Variants in RASEF observed in about 807,000 individuals in gnomAD.
The protein encoded by RASEF is ras and EF-hand domain-containing protein.
RASEF carries 68 observed loss-of-function variants against 90.1 expected under a neutral mutation model. The observed-to-expected ratio is 0.75, with a 90% CI of 0.62 to 0.92. The LOEUF (loss-of-function observed/expected upper bound fraction) is 0.92, where lower values mean the gene tolerates loss of function less well. RASEF is among the 40% of genes least tolerant of loss of function. The pLI is 0.00. For synonymous variants in RASEF, 331 were observed against 345.2 expected, an observed-to-expected ratio of 0.96 and a Z score of 0.46; for missense variants, 949 against 937.2, an observed-to-expected ratio of 1.01 and a Z score of -0.16.
At chr9:83,175,742 G>A in the RASEF span, among the ~76,000 whole-genome samples, 29 of 152,078 alleles carry the variant, frequency 1.9e-4, 1 homozygote, top group South Asian at 4.6e-3. Context: ...TGCCATGCCC[G>A]GCTAATTTTT....
chr9:83,209,731 G>A, the RASEF span, among the ~76,000 whole-genome samples: 376 of 152,286 alleles, frequency 2.5e-3, no homozygotes, highest in African/African-American at 8.8e-3. Flanking sequence ...GTATAATGAC[G>A]AAAAGTATAA....
At chr9:83,110,199 G>A in the RASEF span, among the ~76,000 whole-genome samples, 2 of 152,018 alleles carry the variant, frequency 1.3e-5, no homozygotes, top group Non-Finnish European at 2.9e-5. Context: ...CCAGCAAAGC[G>A]ACCATATTTT....
In RASEF at chr9:83,062,480, C is replaced by A. The variant is rs757179571; in HGVS notation, c.388G>T (p.Asp130Tyr). 1 of 1,612,618 alleles carries A rather than the reference C, an allele frequency of 6.2e-7. No individual in the cohort carries two copies. The highest frequency in any genetic ancestry group is 1.7e-5 in the Admixed American group (1 of 59,984). ...GPASPGRAWQ[D>Y]FQARLGDEAK... ...TCGTCCCCAAGTCGCGCCTGGAAATCCTGCCAAGCCCGGCCGGGACTCGCC... is the reference window on the plus strand; with the variant it reads ...TCGTCCCCAAGTCGCGCCTGGAAATACTGCCAAGCCCGGCCGGGACTCGCC... Residue 130 changes from aspartate (D) to tyrosine (Y), a missense_variant, in exon 1 of 17, where the codon GAT (aspartate) becomes TAT (tyrosine). Asp to Tyr is a radical substitution (Grantham distance 160). This residue lies in a region of RASEF where 656 missense variants were observed against 592.2 expected (regional missense o/e 1.11). Coordinates refer to ENST00000376447, the MANE Select transcript of RASEF (RefSeq NM_152573.4).
chr9:83,139,226 C>T, the RASEF span, among the ~76,000 whole-genome samples: 2 of 152,260 alleles, frequency 1.3e-5, no homozygotes, highest in East Asian at 3.9e-4. Flanking sequence ...TTGAGAAGCA[C>T]TGTACATAAA....
the RASEF span, among the ~76,000 whole-genome samples, chr9:83,168,699 G>A: frequency 6.6e-6 from 1 of 151,992 alleles, no homozygotes; most frequent in African/African-American, 2.4e-5. Flanking sequence ...ATGCTATCAG[G>A]TATATGAAAA....
At chr9:82,995,690 C>A in intron 14 of RASEF, among the ~76,000 whole-genome samples, 1 of 152,072 alleles carries the variant, frequency 6.6e-6, no homozygotes, top group Non-Finnish European at 1.5e-5. Context: ...AAACCATCTG[C>A]CTGCCTTGAC....
chr9:83,172,907 T>C, the RASEF span, among the ~76,000 whole-genome samples: 2 of 152,036 alleles, frequency 1.3e-5, no homozygotes, highest in Non-Finnish European at 2.9e-5. Flanking sequence ...TTCTTCCAGA[T>C]TGAAGAGCTC....
At chr9:83,002,179 G>C (rs1244004935) in intron 9 of RASEF, among the ~76,000 whole-genome samples, 3 of 152,100 alleles carry the variant, frequency 2.0e-5, no homozygotes. Flanking sequence ...AGGGAGAATG[G>C]GCACGATACA....
intron 1 of RASEF, among the ~76,000 whole-genome samples, chr9:83,040,584 CAGTACATTCTGGAATATATA>C (rs1829821271): frequency 6.6e-6 from 1 of 152,134 alleles, no homozygotes; most frequent in Non-Finnish European, 1.5e-5. Flanking sequence ...CTTTCGAAAT[CAGTACATTCTGGAATATATA>C]AGTGCATTCT....
the RASEF span, among the ~76,000 whole-genome samples, chr9:83,194,307 C>G: frequency 1.3e-5 from 2 of 152,164 alleles, no homozygotes; most frequent in Non-Finnish European, 2.9e-5. Flanking sequence ...GACCTTGACA[C>G]TTTGAGGAGT....
At chr9:83,001,806 A>G (rs909415915) in intron 9 of RASEF, among the ~76,000 whole-genome samples, 4 of 152,316 alleles carry the variant, frequency 2.6e-5, no homozygotes, top group African/African-American at 7.2e-5. Flanking sequence ...AAAAATAAGC[A>G]ATTAGAAACA....
the RASEF span, among the ~76,000 whole-genome samples, chr9:83,124,325 T>C: frequency 6.6e-6 from 1 of 152,198 alleles, no homozygotes; most frequent in Admixed American, 6.5e-5. Flanking sequence ...GAAGTAGAAA[T>C]GCTGGATCAT....
chr9:82,993,667 C>T lies in RASEF; in HGVS notation c.1921-642G>A, dbSNP rs563188709. 1.2e-3 allele frequency among the ~76,000 whole-genome samples: 180 copies of T among 152,294 alleles called. 1 individual carries two copies. The highest frequency in any genetic ancestry group is 4.3e-3 in the African/African-American group (178 of 41,558). ...GGTCAACATTTTTCTAAGAAAGAGT[C>T]AAGTACCAATCTTTCAAAGTAATGG... On this transcript the variant is annotated intron_variant, in intron 14 of 16. Transcript: ENST00000376447.
the RASEF span, among the ~76,000 whole-genome samples, chr9:83,108,980 C>G: frequency 6.6e-6 from 1 of 152,176 alleles, no homozygotes; most frequent in Non-Finnish European, 1.5e-5. Flanking sequence ...GAGGAACTGG[C>G]AGTCTCTAGC....
chr9:83,031,430 A>G (rs1829644874), intron 1 of RASEF, among the ~76,000 whole-genome samples: 1 of 152,210 alleles, frequency 6.6e-6, no homozygotes, highest in African/African-American at 2.4e-5. Flanking sequence ...AAGCCTTTAC[A>G]TATATTATTC....
intron 9 of RASEF, 131 bp from the exon 10 acceptor site, chr9:83,001,261 G>T: frequency 1.6e-6 from 1 of 627,478 alleles, no homozygotes. Context: ...GTTATTTCAT[G>T]ATTAGGCATT....
intron 3 of RASEF, among the ~76,000 whole-genome samples, chr9:83,019,110 T>C (rs1316816999): frequency 6.6e-6 from 1 of 151,890 alleles, no homozygotes; most frequent in East Asian, 1.9e-4. Flanking sequence ...GTATGGTCCA[T>C]GAAAAAAAGT....
At chr9:83,179,819 C>T in the RASEF span, among the ~76,000 whole-genome samples, 6 of 152,034 alleles carry the variant, frequency 3.9e-5, no homozygotes, top group Non-Finnish European at 8.8e-5. Flanking sequence ...CACACACACA[C>T]GTACAGTGAC....
At chr9:83,055,858 T>C (rs917765372) in intron 1 of RASEF, among the ~76,000 whole-genome samples, 1 of 152,210 alleles carries the variant, frequency 6.6e-6, no homozygotes, top group East Asian at 1.9e-4. Flanking sequence ...AAACATTCGA[T>C]GTGAAACATC....
Sources: allele counts gnomAD v4.1 joint callset (sites outside exome capture counted in the v4.1 genomes callset), GRCh38; gene constraint gnomAD v4.1.1; regional missense constraint gnomAD v4.1.1; transcripts MANE v1.5; gene names NCBI Gene and HGNC (gene_info 2026-07-23, HGNC 2026-07-21).